EDDM3A: variants seen among roughly 807,000 people sequenced by gnomAD.
EDDM3A encodes the protein epididymal secretory protein E3-alpha.
For synonymous variants in EDDM3A, 75 were observed against 60.4 expected (o/e 1.24, Z -1.12); for missense variants, 199 against 177.4 (o/e 1.12, Z -0.69).
At chr14:20,746,944 T>TA (rs1254375700) in intron 1 of EDDM3A, among the ~76,000 whole-genome samples, 2 of 152,198 alleles carry the variant, frequency 1.3e-5, no homozygotes, top group African/African-American at 4.8e-5. Context: ...GCTTATTTGG[T>TA]AAAAGAGAGC....
chr14:20,742,735 T>G (rs556635189), upstream of EDDM3A, among the ~76,000 whole-genome samples: 1 of 152,220 alleles, frequency 6.6e-6, no homozygotes, highest in East Asian at 1.9e-4. Context: ...TACAGGCACG[T>G]GCTACCACTA....
chr14:20,744,204 C>T (rs1297938758), upstream of EDDM3A, among the ~76,000 whole-genome samples: 1 of 152,158 alleles, frequency 6.6e-6, no homozygotes, highest in Non-Finnish European at 1.5e-5. Flanking sequence ...CCCTGTCCCC[C>T]AAAGACCTAG....
chr14:20,744,560 G>A (rs922134232), upstream of EDDM3A, among the ~76,000 whole-genome samples: 4 of 152,148 alleles, frequency 2.6e-5, no homozygotes, highest in African/African-American at 7.2e-5. Flanking sequence ...GGAAAATTCC[G>A]GCTGTGATGT....
At chr14:20,742,966 C>T (rs1032991364), upstream of EDDM3A, among the ~76,000 whole-genome samples, 1 of 152,162 alleles carries the variant, frequency 6.6e-6, no homozygotes, top group African/African-American at 2.4e-5. Context: ...AACTCGTGAG[C>T]TCAAGTGATC....
the EDDM3A span, among the ~76,000 whole-genome samples, chr14:20,736,014 A>G: frequency 7.2e-5 from 11 of 152,302 alleles, no homozygotes; most frequent in Admixed American, 2.0e-4. Flanking sequence ...ACAACAATGC[A>G]GGTAAGAAAG....
upstream of EDDM3A, among the ~76,000 whole-genome samples, chr14:20,741,491 G>A (rs1029839173): frequency 6.6e-6 from 1 of 152,030 alleles, no homozygotes; most frequent in Non-Finnish European, 1.5e-5. Flanking sequence ...AGGAACCCTC[G>A]GACCATGGCA....
chr14:20,747,518 A>C, intron 1 of EDDM3A, 37 bp from the exon 2 acceptor site: 1 of 1,306,106 alleles, frequency 7.7e-7, no homozygotes, highest in Non-Finnish European at 1.1e-6. Flanking sequence ...CTCTCTGAGT[A>C]TAGTCTGGTT....
the EDDM3A span, among the ~76,000 whole-genome samples, chr14:20,740,283 G>T: frequency 1.2e-4 from 18 of 152,212 alleles, no homozygotes; most frequent in Non-Finnish European, 2.5e-4. Flanking sequence ...AGCTAGCCTG[G>T]AGGGTCCTCA....
chr14:20,743,854 C>T (rs1420999193), upstream of EDDM3A, among the ~76,000 whole-genome samples: 3 of 152,134 alleles, frequency 2.0e-5, no homozygotes, highest in African/African-American at 7.2e-5. Flanking sequence ...TTTAGATGGC[C>T]TCCTAATTGG....
chr14:20,743,191 A>G (rs2139077682), upstream of EDDM3A, among the ~76,000 whole-genome samples: 1 of 152,364 alleles, frequency 6.6e-6, no homozygotes, highest in East Asian at 1.9e-4. Flanking sequence ...TGAGGAACCT[A>G]AGTCACTTTT....
intron 1 of EDDM3A, among the ~76,000 whole-genome samples, chr14:20,747,126 G>A (rs1291542624): frequency 1.5e-5 from 2 of 131,084 alleles, no homozygotes; most frequent in African/African-American, 3.0e-5. Flanking sequence ...TTTTTGAGAC[G>A]GAGTTTTGCT....
the EDDM3A span, among the ~76,000 whole-genome samples, chr14:20,737,352 A>T: frequency 1.3e-5 from 2 of 152,130 alleles, no homozygotes; most frequent in African/African-American, 4.8e-5. Context: ...GTGAGCCACC[A>T]CACCCAGCCC....
chr14:20,738,054 A>G, the EDDM3A span, among the ~76,000 whole-genome samples: 1 of 152,202 alleles, frequency 6.6e-6, no homozygotes, highest in Admixed American at 6.5e-5. Context: ...GAGTCAGTGT[A>G]TCTACATTGG....
intron 1 of EDDM3A, 142 bp from the exon 2 acceptor site, chr14:20,747,413 T>C: frequency 1.7e-6 from 1 of 597,018 alleles, no homozygotes; most frequent in Non-Finnish European, 2.9e-6. Context: ...CTGTATTCTT[T>C]AATGAGAATC....
the EDDM3A span, among the ~76,000 whole-genome samples, chr14:20,739,140 A>G: frequency 2.0e-5 from 3 of 152,336 alleles, no homozygotes; most frequent in South Asian, 2.1e-4. Flanking sequence ...CTGATCTCCT[A>G]TAGTAGATTC....
upstream of EDDM3A, among the ~76,000 whole-genome samples, chr14:20,742,124 C>T (rs566150263): frequency 2.2e-4 from 34 of 152,322 alleles, no homozygotes; most frequent in Admixed American, 4.6e-4. Context: ...CAAGCCCGTA[C>T]CTTGCAAGCT....
At chr14:20,737,087 T>C in the EDDM3A span, among the ~76,000 whole-genome samples, 2,544 of 148,170 alleles carry the variant, frequency 0.017, 71 homozygotes, top group East Asian at 0.09. Context: ...GAGTTTAGCC[T>C]TTGTTGCCCA....
the EDDM3A span, among the ~76,000 whole-genome samples, chr14:20,738,494 TA>T: frequency 3.7e-4 from 51 of 138,388 alleles, no homozygotes; most frequent in East Asian, 4.5e-3. Context: ...AATAAATAAA[TA>T]AATAAATAAA....
chr14:20,743,674 C>T (rs8013927), upstream of EDDM3A, among the ~76,000 whole-genome samples: 4,191 of 151,958 alleles, frequency 0.028, 211 homozygotes, highest in African/African-American at 0.097. Flanking sequence ...CCTTAAAAAC[C>T]GAAATCAAAA....
Sources: gnomAD v4.1 joint callset for allele counts (sites outside exome capture counted in the v4.1 genomes callset) on GRCh38, gnomAD v4.1.1 for gene constraint, MANE v1.5 for transcripts, NCBI Gene and HGNC (gene_info 2026-07-23, HGNC 2026-07-21) for gene names.